The following GFRA1 variants were observed in gnomAD, a reference collection of about 807,000 sequenced individuals.
GFRA1 encodes the protein GDNF family receptor alpha 1, also known as GDNF family receptor alpha-1.
In GFRA1, 16 loss-of-function variants were observed where a neutral mutation model predicts 51.6. The ratio of observed to expected loss-of-function variants is 0.31; its 90% CI spans 0.21 to 0.47. The LOEUF (loss-of-function observed/expected upper bound fraction) is 0.47, where lower values mean the gene tolerates loss of function less well. GFRA1 is among the 20% of genes least tolerant of loss of function. The probability of loss-of-function intolerance (pLI) is 1.00; values close to 1 mark genes in which losing one functional copy is unlikely to be tolerated. For synonymous variants in GFRA1, 270 were observed against 241.3 expected (o/e 1.12, Z -1.10); for missense variants, 530 against 594.3 (o/e 0.89, Z 1.13).
At chr10:116,225,361 A>G (rs1371717750) in intron 4 of GFRA1, among the ~76,000 whole-genome samples, 5 of 151,444 alleles carry the variant, frequency 3.3e-5, no homozygotes, top group Non-Finnish European at 7.4e-5. Flanking sequence ...AAGGTGAAAC[A>G]CTGTCTCTAC....
Position 116,099,158 on chromosome 10 carries a change from C to T in GFRA1, c.771-2394G>A, listed in dbSNP as rs562144359. On this transcript the variant is annotated intron_variant, in intron 6 of 10. Transcript: ENST00000355422. Reference sequence around the variant, plus strand: ...ACACTGAAGTAAGAAGTTTATACAGCGCTATGCTGGGGCCAGCTCATCACT... The same window carrying T: ...ACACTGAAGTAAGAAGTTTATACAGTGCTATGCTGGGGCCAGCTCATCACT... Among the ~76,000 whole-genome samples, 10 of 152,254 alleles carry T rather than the reference C, an allele frequency of 6.6e-5. No homozygotes were observed. In the South Asian group the frequency reaches 1.0e-3, roughly 16 times the overall value.
At chr10:116,183,473 AT>A (rs1388053044) in intron 5 of GFRA1, among the ~76,000 whole-genome samples, 1 of 152,204 alleles carries the variant, frequency 6.6e-6, no homozygotes, top group African/African-American at 2.4e-5. Flanking sequence ...AGAGCAAGTT[AT>A]GTGAATGTGA....
At chr10:116,245,506 G>C (rs1967791669) in intron 4 of GFRA1, among the ~76,000 whole-genome samples, 1 of 152,196 alleles carries the variant, frequency 6.6e-6, no homozygotes, top group Admixed American at 6.5e-5. Context: ...CAGCCGCTTT[G>C]CAAGACAGTT....
chr10:116,271,146 C>G, intron 2 of GFRA1, 31 bp from the exon 3 acceptor site: 1 of 1,571,100 alleles, frequency 6.4e-7, no homozygotes, highest in Non-Finnish European at 8.7e-7. Context: ...AGCCTGAGTG[C>G]GGCGGGCGGG....
intron 9 of GFRA1, among the ~76,000 whole-genome samples, chr10:116,087,081 T>C (rs889868554): frequency 2.0e-5 from 3 of 152,200 alleles, no homozygotes; most frequent in Non-Finnish European, 4.4e-5. Flanking sequence ...GAAGCAGAGT[T>C]CCTATCACTA....
intron 5 of GFRA1, among the ~76,000 whole-genome samples, chr10:116,135,579 C>A (rs1271754450): frequency 6.6e-6 from 1 of 152,212 alleles, no homozygotes. Context: ...GCAAAGACTT[C>A]TATCGCCATC....
intron 4 of GFRA1, among the ~76,000 whole-genome samples, chr10:116,263,958 T>C (rs1394509254): frequency 2.6e-5 from 4 of 152,070 alleles, no homozygotes; most frequent in Admixed American, 1.3e-4. Flanking sequence ...ATAATGCTAT[T>C]AAATAAAACT....
At chr10:116,203,081 A>C (rs1365675043) in intron 5 of GFRA1, among the ~76,000 whole-genome samples, 1 of 152,088 alleles carries the variant, frequency 6.6e-6, no homozygotes, top group Non-Finnish European at 1.5e-5. Context: ...TCAGGGCTCG[A>C]GGAGGTCTGG....
At chr10:116,220,787 C>A (rs1369812291) in intron 4 of GFRA1, among the ~76,000 whole-genome samples, 1 of 152,208 alleles carries the variant, frequency 6.6e-6, no homozygotes, top group East Asian at 1.9e-4. Context: ...ATCATTTAAG[C>A]ACTTTGGGTT....
intron 5 of GFRA1, among the ~76,000 whole-genome samples, chr10:116,208,605 G>A (rs1964959298): frequency 6.6e-6 from 1 of 152,172 alleles, no homozygotes. Context: ...TCAGTTGACA[G>A]CGCAGGGAGA....
chr10:116,140,912 A>C (rs1958537175), intron 5 of GFRA1, among the ~76,000 whole-genome samples: 1 of 152,230 alleles, frequency 6.6e-6, no homozygotes, highest in African/African-American at 2.4e-5. Context: ...TTAGTGTGTC[A>C]GTAAATGCAT....
At chr10:116,259,869 A>T (rs566783873) in intron 4 of GFRA1, among the ~76,000 whole-genome samples, 22 of 152,312 alleles carry the variant, frequency 1.4e-4, no homozygotes, top group African/African-American at 4.8e-4. Context: ...GAGAGGGCAC[A>T]ATACATACCT....
intron 5 of GFRA1, among the ~76,000 whole-genome samples, chr10:116,169,378 C>T (rs1477106682): frequency 2.6e-5 from 4 of 152,234 alleles, no homozygotes; most frequent in African/African-American, 7.2e-5. Flanking sequence ...GGGTCCCTGG[C>T]GAGGGCTCCA....
At chr10:116,194,067 A>AAT (rs1641862990) in intron 5 of GFRA1, among the ~76,000 whole-genome samples, 1 of 53,366 alleles carries the variant, frequency 1.9e-5, no homozygotes, top group African/African-American at 6.9e-5. Flanking sequence ...AATAAAATTT[A>AAT]AAAAAAAAAA....
At chr10:116,166,780 C>CTTTTTTTT (rs530399969) in intron 5 of GFRA1, among the ~76,000 whole-genome samples, 11 of 76,448 alleles carry the variant, frequency 1.4e-4, no homozygotes, top group African/African-American at 1.8e-4. Flanking sequence ...CAACAATCTT[C>CTTTTTTTT]TTTTTTTTTT....
chr10:116,171,434 G>A lies in GFRA1; in HGVS notation c.433+40197C>T, dbSNP rs563150656. The stretch of plus-strand genomic sequence containing the variant: ...ATAATTTTAATTAACCTTCTGATCC[G>A]GCTTAAATATATTTTGCCTTGTAAA... On this transcript the variant is annotated intron_variant, in intron 5 of 10. Coordinates refer to ENST00000355422, the MANE Select transcript of GFRA1 (RefSeq NM_005264.8). Among the ~76,000 whole-genome samples, 819 of 152,160 alleles carry A rather than the reference G, an allele frequency of 5.4e-3. 5 individuals are homozygous for A. Among genetic ancestry groups the A allele is most frequent in the Non-Finnish European group, 9.1e-3 (620 of 68,000 alleles).
intron 6 of GFRA1, among the ~76,000 whole-genome samples, chr10:116,097,994 C>T (rs1193488037): frequency 1.3e-5 from 2 of 152,200 alleles, no homozygotes; most frequent in Admixed American, 1.3e-4. Flanking sequence ...ATGGAATTAT[C>T]CAAGACCGCA....
intron 5 of GFRA1, among the ~76,000 whole-genome samples, chr10:116,129,849 A>T (rs1958032451): frequency 6.6e-6 from 1 of 151,976 alleles, no homozygotes; most frequent in African/African-American, 2.4e-5. Flanking sequence ...ATCAAGTCAG[A>T]GTATTTAGGA....
At chr10:116,078,465 T>C (rs899113886) in intron 9 of GFRA1, among the ~76,000 whole-genome samples, 4 of 152,096 alleles carry the variant, frequency 2.6e-5, no homozygotes, top group Non-Finnish European at 5.9e-5. Context: ...ACACAGGGCC[T>C]GGAACCACTT....
Sources: gnomAD v4.1 joint callset for allele counts (sites outside exome capture counted in the v4.1 genomes callset) on GRCh38, gnomAD v4.1.1 for gene constraint, MANE v1.5 for transcripts, NCBI Gene and HGNC (gene_info 2026-07-23, HGNC 2026-07-21) for gene names.